RFTN1: variants seen among roughly 807,000 people sequenced by gnomAD.
RFTN1 encodes the protein raftlin.
A neutral mutation model predicts 46.5 loss-of-function variants in RFTN1; 26 were observed. The ratio of observed to expected loss-of-function variants is 0.56; its 90% CI spans 0.41 to 0.78. The LOEUF is 0.78. Ranked by LOEUF, RFTN1 falls within the 30% of genes least tolerant of loss-of-function variation. The pLI, the probability that RFTN1 is intolerant of heterozygous loss-of-function variation, is 0.00. For missense variants in RFTN1, 693 were observed against 718.7 expected (o/e 0.96, Z 0.41); for synonymous variants, 261 against 284.2 (o/e 0.92, Z 0.82).
intron 2 of RFTN1, among the ~76,000 whole-genome samples, chr3:16,486,330 T>C (rs2076445712): frequency 6.6e-6 from 1 of 152,020 alleles, no homozygotes; most frequent in African/African-American, 2.4e-5. Flanking sequence ...TGATGTCACC[T>C]GCACCCCCTC....
rs1444745299 is a variant in RFTN1 at position 16,422,400 on chromosome 3, G to A, written c.332+11451C>T. 6.6e-6 allele frequency among the ~76,000 whole-genome samples: 1 copy of A among 152,152 alleles called. No individual in the cohort carries two copies. Among genetic ancestry groups the A allele is most frequent in the Non-Finnish European group, 1.5e-5 (1 of 68,034 alleles). ...AATCCCAGCACTTTGGGAGGCTGAG[G>A]CGGGTGGATCATGAGGTCAGGAGAT... On this transcript the variant is annotated intron_variant, in intron 3 of 9. Coordinates refer to ENST00000334133, the MANE Select transcript of RFTN1 (RefSeq NM_015150.2). This position sits in a 1 kb window ranked among gnomAD's most constrained non-coding sequence, Gnocchi z 4.6.
intron 7 of RFTN1, among the ~76,000 whole-genome samples, chr3:16,355,208 T>A (rs2072359080): frequency 6.6e-6 from 1 of 152,224 alleles, no homozygotes; most frequent in Non-Finnish European, 1.5e-5. Context: ...GTCTACCCAT[T>A]ACCCTGTTCC....
intron 1 of RFTN1, among the ~76,000 whole-genome samples, chr3:16,502,331 T>C (rs1006744585): frequency 7.3e-5 from 11 of 151,226 alleles, no homozygotes; most frequent in African/African-American, 1.2e-4. Context: ...ACTGCATGAT[T>C]GTGCCACTGC....
At chr3:16,417,490 A>T (rs937633907) in intron 3 of RFTN1, among the ~76,000 whole-genome samples, 1 of 152,232 alleles carries the variant, frequency 6.6e-6, no homozygotes, top group Non-Finnish European at 1.5e-5. Context: ...CTGGCCACAG[A>T]TGTCAGGGTC....
Position 16,432,464 on chromosome 3 carries a change from G to A in RFTN1, c.332+1387C>T, listed in dbSNP as rs529958335. ...GCCTGAGAGGCAAAGGTTGCAGTGAGCTGAGATCATGCCACTGTGCTCCAG... is the reference window on the plus strand; with the variant it reads ...GCCTGAGAGGCAAAGGTTGCAGTGAACTGAGATCATGCCACTGTGCTCCAG... On this transcript the variant is annotated intron_variant, in intron 3 of 9. Transcript: ENST00000334133. 2.0e-5 allele frequency among the ~76,000 whole-genome samples: 3 copies of A among 152,318 alleles called. No homozygotes were observed. In the East Asian group the frequency reaches 5.8e-4, roughly 29 times the overall value.
chr3:16,369,510 C>T (rs1474756507), intron 6 of RFTN1, among the ~76,000 whole-genome samples: 1 of 152,196 alleles, frequency 6.6e-6, no homozygotes, highest in Non-Finnish European at 1.5e-5. Flanking sequence ...AGACTTTCTG[C>T]CTTAGGAGAG....
In RFTN1 at chr3:16,429,988, T is replaced by C. The variant is rs1211045084; in HGVS notation, c.332+3863A>G. ...TAACAGCATCTATAACTGTCAGAAC[T>C]TTGGCAGACTTTGTGAAAAGTATCA... On this transcript the variant is annotated intron_variant, in intron 3 of 9. Coordinates refer to ENST00000334133, the MANE Select transcript of RFTN1 (RefSeq NM_015150.2). This position sits in a 1 kb window ranked among gnomAD's most constrained non-coding sequence, Gnocchi z 6.4. Among the ~76,000 whole-genome samples the C allele has an allele frequency of 6.6e-6, 1 of 152,264 alleles. No individual in the cohort carries two copies. The highest frequency in any genetic ancestry group is 2.4e-5 in the African/African-American group (1 of 41,466).
intron 6 of RFTN1, among the ~76,000 whole-genome samples, chr3:16,368,544 G>A (rs1435921225): frequency 1.3e-5 from 2 of 152,232 alleles, no homozygotes; most frequent in East Asian, 3.9e-4. Context: ...GGTGGCGGGT[G>A]CCTGTAATCC....
intron 7 of RFTN1, among the ~76,000 whole-genome samples, chr3:16,330,863 C>A (rs768560418): frequency 1.3e-5 from 2 of 152,158 alleles, no homozygotes; most frequent in Non-Finnish European, 2.9e-5. Flanking sequence ...TTTAAAAGAT[C>A]TTCTATGCAG....
intron 3 of RFTN1, among the ~76,000 whole-genome samples, chr3:16,420,585 A>G (rs1559338053): frequency 6.6e-6 from 1 of 152,144 alleles, no homozygotes; most frequent in African/African-American, 2.4e-5. Flanking sequence ...TCCTTCCCAA[A>G]TCATCCCACC....
rs1033267892 is a variant in RFTN1, at chr3:16,346,038, C to G, written c.1146+11894G>C. Reference sequence around the variant, plus strand: ...ATCAAAATTCACTTTGCCCCATGATCTTCACCAGAACGGCATACTTGCCTC... The same window carrying G: ...ATCAAAATTCACTTTGCCCCATGATGTTCACCAGAACGGCATACTTGCCTC... On this transcript the variant is annotated intron_variant, in intron 7 of 9. Coordinates refer to ENST00000334133, the MANE Select transcript of RFTN1 (RefSeq NM_015150.2). This position sits in a 1 kb window ranked among gnomAD's most constrained non-coding sequence, Gnocchi z 4.4. 1.3e-5 allele frequency: 2 copies of G among 152,166 alleles called. No homozygotes were observed. The highest frequency in any genetic ancestry group is 4.8e-5 in the African/African-American group (2 of 41,434). 9.4% of individuals were successfully genotyped at this position (152,166 alleles called of 1,614,324 possible).
intron 2 of RFTN1, among the ~76,000 whole-genome samples, chr3:16,491,437 G>A (rs2076537032): frequency 6.6e-6 from 1 of 152,208 alleles, no homozygotes; most frequent in Admixed American, 6.5e-5. Context: ...GGAGGACGAG[G>A]GCAGGAGCAG....
At chr3:16,355,678 A>C (rs1257223792) in intron 7 of RFTN1, among the ~76,000 whole-genome samples, 1 of 152,220 alleles carries the variant, frequency 6.6e-6, no homozygotes, top group African/African-American at 2.4e-5. Context: ...TGAGCCTCAG[A>C]ATCTCCTGCA....
intron 2 of RFTN1, among the ~76,000 whole-genome samples, chr3:16,454,287 T>A (rs758434952): frequency 6.6e-6 from 1 of 152,228 alleles, no homozygotes; most frequent in Non-Finnish European, 1.5e-5. Flanking sequence ...TCACAGTCCA[T>A]CTATGGAGTG....
intron 3 of RFTN1, among the ~76,000 whole-genome samples, chr3:16,423,159 C>T (rs2075221197): frequency 6.7e-6 from 1 of 148,928 alleles, no homozygotes; most frequent in African/African-American, 2.6e-5. Flanking sequence ...CAGAGCGAGA[C>T]TCTGTCTCAA....
At chr3:16,477,194 TG>T (rs111525316) in intron 2 of RFTN1, among the ~76,000 whole-genome samples, 17,206 of 152,260 alleles carry the variant, frequency 0.11, 1,049 homozygotes, top group Middle Eastern at 0.17. Flanking sequence ...GTAAATTATT[TG>T]GTTTTTTTCC....
chr3:16,357,058 T>G (rs1467886921), intron 7 of RFTN1, among the ~76,000 whole-genome samples: 1 of 148,670 alleles, frequency 6.7e-6, no homozygotes, highest in East Asian at 2.0e-4. Context: ...GAGGTTGCAG[T>G]GAGCCAAGAT....
intron 2 of RFTN1, among the ~76,000 whole-genome samples, chr3:16,441,631 C>A (rs2125512670): frequency 6.6e-6 from 1 of 152,326 alleles, no homozygotes; most frequent in East Asian, 1.9e-4. Flanking sequence ...GGCTGAACTG[C>A]AACAGCTTCT....
At chr3:16,369,174 A>G (rs2073382261) in intron 6 of RFTN1, among the ~76,000 whole-genome samples, 1 of 152,392 alleles carries the variant, frequency 6.6e-6, no homozygotes, top group South Asian at 2.1e-4. Flanking sequence ...CTCTATTCTC[A>G]GGATGCTTGC....
Sources: gnomAD v4.1 joint callset for allele counts (sites outside exome capture counted in the v4.1 genomes callset) on GRCh38, gnomAD v4.1.1 for gene constraint, Gnocchi (gnomAD v3.1) non-coding constraint, MANE v1.5 for transcripts, NCBI Gene and HGNC (gene_info 2026-07-23, HGNC 2026-07-21) for gene names.